The following BMPR2 variants were observed in gnomAD, a reference collection of about 807,000 sequenced individuals.
BMPR2 encodes the protein bone morphogenetic protein receptor type-2.
In BMPR2, 29 loss-of-function variants were observed where a neutral mutation model predicts 100.8. The ratio of observed to expected loss-of-function variants is 0.29; its 90% CI spans 0.21 to 0.39. The LOEUF (loss-of-function observed/expected upper bound fraction) is 0.39. Ranked by LOEUF, BMPR2 falls within the 10% of genes least tolerant of loss-of-function variation. The pLI is 1.00. For missense variants in BMPR2, 1,011 were observed against 1,274.5 expected (o/e 0.79, Z 3.15); for synonymous variants, 382 against 442.3 (o/e 0.86, Z 1.71).
chr2:202,511,619 A>AATAG (rs1248766518), intron 3 of BMPR2, among the ~76,000 whole-genome samples: 7 of 152,234 alleles, frequency 4.6e-5, no homozygotes, highest in Middle Eastern at 3.4e-3. Flanking sequence ...TATGTGAAAT[A>AATAG]ATATCTCACT....
chr2:202,471,930 G>GTT (rs1220345294), intron 3 of BMPR2, among the ~76,000 whole-genome samples: 1 of 152,076 alleles, frequency 6.6e-6, no homozygotes, highest in Admixed American at 6.6e-5. Context: ...GTGTGTGTGT[G>GTT]TGTGTGTGTA....
At chr2:202,558,710 A>G (rs1158893185) in intron 12 of BMPR2, among the ~76,000 whole-genome samples, 5 of 151,456 alleles carry the variant, frequency 3.3e-5, no homozygotes, top group African/African-American at 4.9e-5. Flanking sequence ...CCTGACCAAC[A>G]TGGAGAAACC....
chr2:202,401,762 C>T (rs1163372788), intron 1 of BMPR2, among the ~76,000 whole-genome samples: 6 of 152,266 alleles, frequency 3.9e-5, no homozygotes, highest in African/African-American at 1.4e-4. Flanking sequence ...AGGAATCATG[C>T]AGCATCAACC....
In BMPR2 at chr2:202,518,858, G is replaced by A. The variant is rs1687767520; in HGVS notation, c.658G>A (p.Gly220Ser). Residue 220 changes from glycine to serine, a missense_variant, in exon 6 of 13, where the codon GGC (glycine) becomes AGC (serine). Coordinates refer to ENST00000374580, the MANE Select transcript of BMPR2 (RefSeq NM_001204.7). ...AGGTCGATATGGAGCAGTATATAAA[G>A]GCTCCTTGGATGAGCGTCCAGTTGC... ...GRGRYGAVYKGSLDERPVAVK... is the reference protein window; with the variant it reads ...GRGRYGAVYKSSLDERPVAVK... 1 of 1,614,188 alleles carries A rather than the reference G, an allele frequency of 6.2e-7. No homozygotes were observed.
At chr2:202,506,351 T>A (rs987051812) in intron 3 of BMPR2, among the ~76,000 whole-genome samples, 2 of 151,576 alleles carry the variant, frequency 1.3e-5, no homozygotes, top group African/African-American at 2.4e-5. Flanking sequence ...AGAGACAGGG[T>A]TTCGCCATGT....
rs150388455 is a variant in BMPR2, at chr2:202,538,587, T to G, written c.1277-3724T>G. Among the ~76,000 whole-genome samples the G allele has an allele frequency of 6.1e-3, 915 of 150,708 alleles. 16 individuals carry two copies. The highest frequency in any genetic ancestry group is 0.021 in the African/African-American group (869 of 40,984). ...CTAGTGGATCACCTGAGGTCAGGAG[T>G]TTGAGACCAGCCTGACCAACGTGGT... On this transcript the variant is annotated intron_variant, in intron 9 of 12. Coordinates refer to ENST00000374580, the MANE Select transcript of BMPR2 (RefSeq NM_001204.7).
At chr2:202,470,483 C>T (rs1435324144) in intron 3 of BMPR2, among the ~76,000 whole-genome samples, 4 of 151,426 alleles carry the variant, frequency 2.6e-5, no homozygotes, top group Admixed American at 6.6e-5. Context: ...GGAAAGAGGC[C>T]GGGCGCGGTG....
intron 6 of BMPR2, 116 bp downstream of exon 6, chr2:202,519,168 C>G: frequency 9.3e-7 from 1 of 1,076,074 alleles, no homozygotes; most frequent in Non-Finnish European, 1.4e-6. Flanking sequence ...TCAGGACCAG[C>G]CTCGCCAACA....
chr2:202,490,136 C>T (rs1439882083), intron 3 of BMPR2, among the ~76,000 whole-genome samples: 2 of 152,166 alleles, frequency 1.3e-5, no homozygotes, highest in South Asian at 2.1e-4. Context: ...GATTTCTGCT[C>T]GCCTTATATT....
rs375657255 is a variant in BMPR2, at chr2:202,467,501, A to G, written c.248-18A>G. On this transcript the variant is annotated intron_variant, in intron 2 of 12. Coordinates refer to ENST00000374580, the MANE Select transcript of BMPR2 (RefSeq NM_001204.7). ...TTTATCATATTGTCTCCTTTTTTGT[A>G]TTCATATTGATTTATAGGATGTTGG... The G allele has an allele frequency of 6.5e-6, 10 of 1,533,224 alleles. No homozygotes were observed. Among genetic ancestry groups the G allele is most frequent in the Non-Finnish European group, 9.0e-6 (10 of 1,107,330 alleles). The allele number at this position is 1,533,224 out of a possible 1,614,324, so 95.0% of individuals were successfully genotyped here.
chr2:202,520,926 A>AAAGAACATAGAG (rs1687808722), intron 7 of BMPR2: 1 of 154,554 alleles, frequency 6.5e-6, no homozygotes, highest in Non-Finnish European at 1.4e-5. Context: ...AAAAGGCTGA[A>AAAGAACATAGAG]AAGAACATAG....
At chr2:202,436,009 A>G (rs1296018838) in intron 1 of BMPR2, among the ~76,000 whole-genome samples, 2 of 150,900 alleles carry the variant, frequency 1.3e-5, no homozygotes, top group South Asian at 2.1e-4. Context: ...TTGTTCCATG[A>G]AATTTTTATT....
In BMPR2 at chr2:202,565,047, T is replaced by TCAAAAAAAAAA. The variant is rs1688737704; in HGVS notation, c.*5111_*5112insACAAAAAAAAA. 2 of 151,138 alleles carry TCAAAAAAAAAA rather than the reference T, an allele frequency of 1.3e-5. No homozygotes were observed. Among genetic ancestry groups the TCAAAAAAAAAA allele is most frequent in the African/African-American group, 4.9e-5 (2 of 40,708 alleles). The allele number at this position is 151,138 out of a possible 1,614,324, so 9.4% of individuals were successfully genotyped here. A position where few individuals can be genotyped will look rare whatever the true frequency, so the allele number is the denominator to read the frequency against. On this transcript the variant is annotated 3_prime_UTR_variant, in exon 13 of 13. Coordinates refer to ENST00000374580, the MANE Select transcript of BMPR2 (RefSeq NM_001204.7). ...CTGGGCTACAGAGTGAGACTCCATC[T>TCAAAAAAAAAA]CAAAAAAAAACAAAAAAAATCACCT...
At position 202,527,133 on chromosome 2, in the gene BMPR2, G is replaced by T. The variant is rs1177608717; in HGVS notation, c.968-3661G>T. 5.3e-5 allele frequency among the ~76,000 whole-genome samples: 8 copies of T among 152,032 alleles called. No homozygotes were observed. The East Asian group carries it at 1.4e-3, about 26-fold the overall frequency. On this transcript the variant is annotated intron_variant, in intron 7 of 12. Transcript: ENST00000374580. ...CCTGCCTCGACCTCCAAAAGAGCTG[G>T]GATTACAGGCATGAGCCACTGTGCC... is the stretch of plus-strand genomic sequence containing the variant.
intron 1 of BMPR2, among the ~76,000 whole-genome samples, chr2:202,405,023 A>G (rs925044172): frequency 2.0e-5 from 3 of 151,814 alleles, no homozygotes; most frequent in Non-Finnish European, 2.9e-5. Flanking sequence ...GGGTCTCGCT[A>G]TGTTGCCCAG....
rs145781110 is a variant in BMPR2 at position 202,433,998 on chromosome 2, C to A, written c.77-30811C>A. Among the ~76,000 whole-genome samples the A allele has an allele frequency of 9.0e-4, 135 of 150,830 alleles. 7 individuals are homozygous for A. Among genetic ancestry groups the A allele is most frequent in the Middle Eastern group, 6.8e-3 (2 of 294 alleles). ...GGAAATTTGCAAGGAAAAAATTAAC[C>A]TTGTTTGTGCCTTATTTGAAGGGGA... On this transcript the variant is annotated intron_variant, in intron 1 of 12. Transcript: ENST00000374580.
At chr2:202,510,105 T>C (rs550299242) in intron 3 of BMPR2, among the ~76,000 whole-genome samples, 2 of 152,304 alleles carry the variant, frequency 1.3e-5, no homozygotes, top group South Asian at 4.1e-4. Context: ...ATTTTTTTAT[T>C]GTAACAAATA....
chr2:202,432,355 G>A (rs1007100464), intron 1 of BMPR2, among the ~76,000 whole-genome samples: 8 of 150,556 alleles, frequency 5.3e-5, no homozygotes, highest in Admixed American at 5.3e-4. Context: ...TTACCATGCT[G>A]TTTCATTCCA....
chr2:202,553,273 G>A (rs998086613), intron 11 of BMPR2, among the ~76,000 whole-genome samples: 1 of 151,476 alleles, frequency 6.6e-6, no homozygotes, highest in Non-Finnish European at 1.5e-5. Context: ...TAAGTAAATG[G>A]AACTATGAAC....
Sources: gnomAD v4.1 joint callset for allele counts (sites outside exome capture counted in the v4.1 genomes callset) on GRCh38, gnomAD v4.1.1 for gene constraint, MANE v1.5 for transcripts, NCBI Gene and HGNC (gene_info 2026-07-23, HGNC 2026-07-21) for gene names.